INPPL1: variants seen among roughly 807,000 people sequenced by gnomAD.
INPPL1 encodes the protein phosphatidylinositol 3,4,5-trisphosphate 5-phosphatase 2.
A neutral mutation model predicts 139.3 loss-of-function variants in INPPL1; 91 were observed. The observed-to-expected ratio is 0.65, with a 90% CI of 0.55 to 0.78. INPPL1 has a LOEUF of 0.78. Ranked by LOEUF, INPPL1 falls within the 30% of genes least tolerant of loss-of-function variation. The probability of loss-of-function intolerance (pLI) is 0.00; values close to 1 mark genes in which losing one functional copy is unlikely to be tolerated. For missense variants in INPPL1, 1,411 were observed against 1,665.6 expected (o/e 0.85, Z 2.66); for synonymous variants, 719 against 686.6 (o/e 1.05, Z -0.74).
In INPPL1 at chr11:72,228,260, GC is replaced by G; in HGVS notation, c.246+8del. The G allele has an allele frequency of 6.2e-7, 1 of 1,613,950 alleles. No individual in the cohort carries two copies. Among genetic ancestry groups the G allele is most frequent in the Non-Finnish European group, 8.5e-7 (1 of 1,179,854 alleles). On this transcript the variant is annotated splice_region_variant and intron_variant, in intron 2 of 27. Coordinates refer to ENST00000298229, the MANE Select transcript of INPPL1 (RefSeq NM_001567.4). The surrounding 1 kb of genome is among the most constrained non-coding windows in gnomAD (Gnocchi z 5.0). ...AGATTTCTTGGCTGTGCAGGTAGGA[GC>G]TTGGGCCCCTGACCCCTGACCTTGA...
Position 72,228,703 on chromosome 11 carries a change from C to A in INPPL1, c.398-24C>A. On this transcript the variant is annotated intron_variant, in intron 3 of 27. Transcript: ENST00000298229. The surrounding 1 kb of genome is among the most constrained non-coding windows in gnomAD (Gnocchi z 5.0). ...CACTGAGTGTGGGAGGCCCAAACGG[C>A]TGCCCACTGACCCCTGCCCACAGAT... is the stretch of plus-strand genomic sequence containing the variant. The A allele has an allele frequency of 6.2e-7, 1 of 1,604,694 alleles. No homozygotes were observed. The highest frequency in any genetic ancestry group is 1.3e-5 in the African/African-American group (1 of 74,830).
At chr11:72,232,138 C>A in intron 13 of INPPL1, 102 bp from the exon 14 acceptor site, 2 of 927,838 alleles carry the variant, frequency 2.2e-6, no homozygotes, top group South Asian at 1.4e-5. Flanking sequence ...GTCTGGTGGG[C>A]TCAGCGGGAG....
chr11:72,231,967 CCT>C (rs1010466634), intron 13 of INPPL1, among the ~76,000 whole-genome samples: 14 of 152,250 alleles, frequency 9.2e-5, no homozygotes, highest in African/African-American at 3.4e-4. Context: ...ATCTGCAGGG[CCT>C]TTCAGCTTCA....
intron 1 of INPPL1, chr11:72,225,477 G>A (rs373120410): frequency 3.0e-6 from 3 of 985,442 alleles, no homozygotes; most frequent in Non-Finnish European, 3.6e-6. Flanking sequence ...CCAGGTAGAA[G>A]GGAGCAGGGG....
intron 13 of INPPL1, 138 bp from the exon 14 acceptor site, chr11:72,232,102 G>A (rs1948851876): frequency 1.4e-6 from 1 of 705,800 alleles, no homozygotes; most frequent in Non-Finnish European, 2.5e-6. Flanking sequence ...GTGTGGGTGT[G>A]TGCAGGGGCC....
chr11:72,237,716 C>A lies in INPPL1; in HGVS notation c.3472C>A (p.Leu1158Met). 1.2e-6 allele frequency: 2 copies of A among 1,611,738 alleles called. No homozygotes were observed. Among genetic ancestry groups the A allele is most frequent in the Non-Finnish European group, 1.7e-6 (2 of 1,179,518 alleles). The change falls in exon 26 of 28, where the codon CTG (leucine) becomes ATG (methionine). Residue 1158 changes from leucine (L) to methionine (M), a missense_variant. Leu to Met is a conservative substitution (Grantham distance 15). Coordinates refer to ENST00000298229, the MANE Select transcript of INPPL1 (RefSeq NM_001567.4). ...CCTGGAGCTGCAGCCCCCCCGGGGA[C>A]TGCCCTCGGACTATGGCCGGCCCCT... ...GPLELQPPRG[L>M]PSDYGRPLSF...
Position 72,230,224 on chromosome 11 carries a change from G to C in INPPL1, c.1043G>C (p.Arg348Thr). 6.2e-7 allele frequency: 1 copy of C among 1,611,124 alleles called. No homozygotes were observed. The highest frequency in any genetic ancestry group is 8.5e-7 in the Non-Finnish European group (1 of 1,178,102). ...GGTGGGCGGCTGGTGCTGCTGCGGA[G>C]ACAGCGGGACTCCCAGGAGGACTGG... ...VEGGRLVLLR[R>T]QRDSQEDWTT... The change falls in exon 9 of 28, where the codon AGA (arginine) becomes ACA (threonine). Residue 348 changes from arginine (R) to threonine (T), a missense_variant. By Grantham distance (71) the Arg-to-Thr change is moderately conservative (BLOSUM62 -1). This residue lies in a region of INPPL1 where 504 missense variants were observed against 595.6 expected (regional missense o/e 0.85). Transcript: ENST00000298229.
At position 72,224,766 on chromosome 11, in the gene INPPL1, TC is replaced by T. The variant is rs939457895; in HGVS notation, c.-218del. On this transcript the variant is annotated 5_prime_UTR_variant, in exon 1 of 28. Coordinates refer to ENST00000298229, the MANE Select transcript of INPPL1 (RefSeq NM_001567.4). ...CCCCCGCCGCCTCTGAACAAACTTT[TC>T]TTTCTCTTCAAGTTGAGGCCGGCGC... is the stretch of plus-strand genomic sequence containing the variant. 3.9e-5 allele frequency: 7 copies of T among 177,694 alleles called. No homozygotes were observed. The highest frequency in any genetic ancestry group is 7.9e-5 in the Non-Finnish European group (7 of 88,722). 11.0% of individuals were successfully genotyped at this position (177,694 alleles called of 1,614,324 possible).
In INPPL1 at chr11:72,228,528, G is replaced by T; in HGVS notation, c.397+30G>T. On this transcript the variant is annotated intron_variant, in intron 3 of 27. Transcript: ENST00000298229. This position sits in a 1 kb window ranked among gnomAD's most constrained non-coding sequence, Gnocchi z 5.0. The stretch of plus-strand genomic sequence containing the variant: ...TTCCCAGTGTGCAGGTCCCCTCCCT[G>T]CCCCTGTCCCTTGGCTCTACCTGCC... 6.3e-7 allele frequency: 1 copy of T among 1,599,292 alleles called. No homozygotes were observed. Among genetic ancestry groups the T allele is most frequent in the Non-Finnish European group, 8.5e-7 (1 of 1,178,206 alleles).
At chr11:72,225,213 C>G (rs973697222) in intron 1 of INPPL1, 47 bp downstream of exon 1, 1 of 1,224,708 alleles carries the variant, frequency 8.2e-7, no homozygotes, top group African/African-American at 1.6e-5. Flanking sequence ...ACCGGGAGCG[C>G]GGGCACGGCC....
rs151248494 is a variant in INPPL1 at position 72,233,640 on chromosome 11, A to G, written c.2123-15A>G. 1.9e-6 allele frequency: 3 copies of G among 1,613,002 alleles called. No individual in the cohort carries two copies. Among genetic ancestry groups the G allele is most frequent in the African/African-American group, 1.3e-5 (1 of 74,912 alleles). Reference sequence around the variant, plus strand: ...ATATTCCCCCTGAGTCCCCATTCCTATCCCCTCTCCCCAGGTTGCACTGAT... The same window carrying G: ...ATATTCCCCCTGAGTCCCCATTCCTGTCCCCTCTCCCCAGGTTGCACTGAT... On this transcript the variant is annotated splice_polypyrimidine_tract_variant and intron_variant, in intron 18 of 27. Transcript: ENST00000298229.
chr11:72,228,257 G>A lies in INPPL1; in HGVS notation c.246+4G>A. ...AGAAGATTTCTTGGCTGTGCAGGTA[G>A]GAGCTTGGGCCCCTGACCCCTGACC... is the stretch of plus-strand genomic sequence containing the variant. On this transcript the variant is annotated splice_donor_region_variant and intron_variant, in intron 2 of 27. Coordinates refer to ENST00000298229, the MANE Select transcript of INPPL1 (RefSeq NM_001567.4). The surrounding 1 kb of genome is among the most constrained non-coding windows in gnomAD (Gnocchi z 5.0). The A allele has an allele frequency of 6.2e-7, 1 of 1,614,136 alleles. No homozygotes were observed.
intron 14 of INPPL1, 127 bp downstream of exon 14, chr11:72,232,463 C>G (rs1174158503): frequency 8.2e-7 from 1 of 1,214,356 alleles, no homozygotes; most frequent in Non-Finnish European, 1.2e-6. Context: ...GCTCTCTTAT[C>G]CCAATTCAAG....
At position 72,238,055 on chromosome 11, in the gene INPPL1, A is replaced by C. The variant is rs1369263812; in HGVS notation, c.3566A>C (p.Gln1189Pro). Residue 1189 changes from glutamine (Q) to proline (P), a missense_variant, in exon 27 of 28, where the codon CAG becomes CCG. Gln to Pro is a moderately conservative substitution (Grantham distance 76). Coordinates refer to ENST00000298229, the MANE Select transcript of INPPL1 (RefSeq NM_001567.4). Reference protein sequence around the residue: ...EDLAEEAPCLQGGRASGLGEA... With the variant: ...EDLAEEAPCLPGGRASGLGEA... ...CTGTTTCCTTAGGCTCCGTGCCTGCAGGGCGGGCGGGCCAGCGGGCTGGGC... is the reference window on the plus strand; with the variant it reads ...CTGTTTCCTTAGGCTCCGTGCCTGCCGGGCGGGCGGGCCAGCGGGCTGGGC... The C allele has an allele frequency of 1.3e-6, 2 of 1,555,966 alleles. No individual in the cohort carries two copies. The highest frequency in any genetic ancestry group is 1.2e-5 in the South Asian group (1 of 81,600).
In INPPL1 at chr11:72,235,301, T is replaced by C. The variant is rs1244408535; in HGVS notation, c.2509T>C (p.Cys837Arg). 2 of 1,613,402 alleles carry C rather than the reference T, an allele frequency of 1.2e-6. No individual in the cohort carries two copies. The highest frequency in any genetic ancestry group is 1.1e-5 in the South Asian group (1 of 91,050). The change falls in exon 23 of 28, where the codon TGT becomes CGT. Residue 837 changes from cysteine (C) to arginine (R), a missense_variant. By Grantham distance (180) the Cys-to-Arg change is radical. Coordinates refer to ENST00000298229, the MANE Select transcript of INPPL1 (RefSeq NM_001567.4). This position sits in a 1 kb window ranked among gnomAD's most constrained non-coding sequence, Gnocchi z 4.9. ...SMDGYESYGE[C>R]VVALKSMIGS... ...TTGTCCCATCTGCTCCTCAGGGGAG[T>C]GTGTGGTTGCACTCAAATCCATGAT...
Position 72,235,356 on chromosome 11 carries a change from T to C in INPPL1, c.2564T>C (p.Phe855Ser). 2 of 1,614,012 alleles carry C rather than the reference T, an allele frequency of 1.2e-6. No individual in the cohort carries two copies. The highest frequency in any genetic ancestry group is 8.5e-7 in the Non-Finnish European group (1 of 1,179,990). Residue 855 changes from phenylalanine to serine, a missense_variant, in exon 23 of 28, where the codon TTC becomes TCC. Phe to Ser is a radical substitution (Grantham distance 155). Around this residue, in one of 5 missense-constraint regions of INPPL1, gnomAD observed 99 missense variants for 171.6 expected, o/e 0.58. Transcript: ENST00000298229. This position sits in a 1 kb window ranked among gnomAD's most constrained non-coding sequence, Gnocchi z 4.9. ...IGSTAQQFLT[F>S]LSHRGEETGN... ...AGCACGGCCCAACAGTTCCTGACCT[T>C]CCTATCCCACCGTGGCGAGGAGACA...
At position 72,229,660 on chromosome 11, in the gene INPPL1, C is replaced by T. The variant is rs374049262; in HGVS notation, c.754-3C>T. 2.8e-5 allele frequency: 45 copies of T among 1,613,812 alleles called. No homozygotes were observed. Among genetic ancestry groups the T allele is most frequent in the Non-Finnish European group, 3.6e-5 (43 of 1,179,904 alleles). ...GTACAAGCCTGGTTCTTCCTCCCCCCAGAACCTGCCACAGACAGGGGAGCA... is the reference window on the plus strand; with the variant it reads ...GTACAAGCCTGGTTCTTCCTCCCCCTAGAACCTGCCACAGACAGGGGAGCA... On this transcript the variant is annotated splice_region_variant and splice_polypyrimidine_tract_variant and intron_variant, in intron 6 of 27. Coordinates refer to ENST00000298229, the MANE Select transcript of INPPL1 (RefSeq NM_001567.4).
rs368076734 is a variant in INPPL1 at position 72,238,162 on chromosome 11, C to G, written c.3673C>G (p.Leu1225Val). Residue 1225 changes from leucine to valine, a missense_variant, in exon 27 of 28, where the codon CTG (leucine) becomes GTG (valine). Leu to Val is a conservative substitution (Grantham distance 32). Around this residue, in one of 5 missense-constraint regions of INPPL1, gnomAD observed 438 missense variants for 425.7 expected, o/e 1.03. Transcript: ENST00000298229. ...EGLVHNGWDD[L>V]EFLSDITEED... Reference sequence around the variant, plus strand: ...CCTGGTGCATAATGGCTGGGACGACCTGGAGTTTCTCAGGTGGGGGAGGGG... The same window carrying G: ...CCTGGTGCATAATGGCTGGGACGACGTGGAGTTTCTCAGGTGGGGGAGGGG... 5 of 1,600,088 alleles carry G rather than the reference C, an allele frequency of 3.1e-6. No homozygotes were observed. The African/African-American group carries it at 5.4e-5, about 17-fold the overall frequency.
At chr11:72,224,673 G>A (rs1948614612), upstream of INPPL1, 1 of 150,054 alleles carries the variant, frequency 6.7e-6, no homozygotes, top group African/African-American at 2.5e-5. Context: ...GGGCAGGGGC[G>A]GCCCGGGCTG....
Sources: allele counts gnomAD v4.1 joint callset (sites outside exome capture counted in the v4.1 genomes callset), GRCh38; gene constraint gnomAD v4.1.1; regional missense constraint gnomAD v4.1.1; non-coding constraint Gnocchi (gnomAD v3.1); transcripts MANE v1.5; gene names NCBI Gene and HGNC (gene_info 2026-07-23, HGNC 2026-07-21).